The following CCDC93 variants were observed in gnomAD, a reference collection of about 807,000 sequenced individuals.
CCDC93 encodes coiled-coil domain-containing protein 93.
A neutral mutation model predicts 108.2 loss-of-function variants in CCDC93; 61 were observed. That is an observed-to-expected ratio of 0.56 (90% CI 0.46 to 0.70). The LOEUF is 0.70. Ranked by LOEUF, CCDC93 falls within the 30% of genes least tolerant of loss-of-function variation. The pLI is 0.00. For synonymous variants in CCDC93, 276 were observed against 260.4 expected, an observed-to-expected ratio of 1.06 and a Z score of -0.58; for missense variants, 685 against 764.2, an observed-to-expected ratio of 0.90 and a Z score of 1.22.
intron 22 of CCDC93, chr2:117,931,789 T>C (rs1678342831): frequency 6.6e-6 from 1 of 152,260 alleles, no homozygotes; most frequent in Non-Finnish European, 1.5e-5. Flanking sequence ...CAATTTAGGA[T>C]ATTTTCAGGA....
At chr2:117,978,808 G>A (rs1558792887) in intron 7 of CCDC93, among the ~76,000 whole-genome samples, 1 of 152,262 alleles carries the variant, frequency 6.6e-6, no homozygotes, top group South Asian at 2.1e-4. Context: ...AGGAATTTGA[G>A]ACTAGCCTGG....
At chr2:117,958,310 T>C (rs1679280904) in intron 12 of CCDC93, 55 bp downstream of exon 12, 1 of 1,186,468 alleles carries the variant, frequency 8.4e-7, no homozygotes, top group Non-Finnish European at 1.3e-6. Flanking sequence ...TGGAATCTCC[T>C]TTAACCAATC....
chr2:117,946,237 A>T (rs1251990488), intron 16 of CCDC93, among the ~76,000 whole-genome samples: 4 of 152,184 alleles, frequency 2.6e-5, no homozygotes, highest in Non-Finnish European at 5.9e-5. Flanking sequence ...GTCCTCCCTA[A>T]GCCTCAAGTT....
rs1245596635 is a variant in CCDC93, at chr2:117,986,012, C to T, written c.577G>A (p.Asp193Asn). Residue 193 changes from aspartate to asparagine, a missense_variant, in exon 7 of 24, where the codon GAT becomes AAT. Coordinates refer to ENST00000376300, the MANE Select transcript of CCDC93 (RefSeq NM_019044.5). ...KRHQGAEELL[D>N]EESRIHATLL... ...GTAGCATGGATTCGAGATTCTTCAT[C>T]AAGTAGCTCCTCTGCTCCCTGGTGG... is the stretch of plus-strand genomic sequence containing the variant. 1.2e-6 allele frequency: 2 copies of T among 1,613,676 alleles called. No homozygotes were observed. Among genetic ancestry groups the T allele is most frequent in the Non-Finnish European group, 1.7e-6 (2 of 1,179,746 alleles).
At chr2:118,010,095 C>A (rs1338006487) in intron 1 of CCDC93, among the ~76,000 whole-genome samples, 1 of 129,434 alleles carries the variant, frequency 7.7e-6, no homozygotes, top group East Asian at 2.8e-4. Context: ...GCACATGCCA[C>A]CACGCCCGTT....
Position 117,920,145 on chromosome 2 carries a change from C to T in CCDC93, c.*198G>A, listed in dbSNP as rs916160482. 2.4e-5 allele frequency: 12 copies of T among 495,402 alleles called. No individual in the cohort carries two copies. The highest frequency in any genetic ancestry group is 2.1e-4 in the East Asian group (7 of 32,900). The allele number at this position is 495,402 out of a possible 1,614,324, so 30.7% of individuals were successfully genotyped here. On this transcript the variant is annotated 3_prime_UTR_variant, in exon 24 of 24. Coordinates refer to ENST00000376300, the MANE Select transcript of CCDC93 (RefSeq NM_019044.5). ...AGGATGATGGGTGTTATCCAAGCCACGTGTTTACTGTCTGACTCCATCAAC... is the reference window on the plus strand; with the variant it reads ...AGGATGATGGGTGTTATCCAAGCCATGTGTTTACTGTCTGACTCCATCAAC...
At chr2:117,975,552 C>CTTTG (rs1679916843) in intron 8 of CCDC93, among the ~76,000 whole-genome samples, 1 of 152,204 alleles carries the variant, frequency 6.6e-6, no homozygotes, top group Non-Finnish European at 1.5e-5. Flanking sequence ...TACCCTTGCA[C>CTTTG]TTTGACTGGG....
At chr2:117,970,073 T>C (rs1211430475) in intron 11 of CCDC93, among the ~76,000 whole-genome samples, 1 of 152,198 alleles carries the variant, frequency 6.6e-6, no homozygotes, top group East Asian at 1.9e-4. Flanking sequence ...TTGAACAAAC[T>C]AGGTCTTTGA....
chr2:117,976,449 A>G (rs940541784), intron 8 of CCDC93, among the ~76,000 whole-genome samples: 16 of 152,150 alleles, frequency 1.1e-4, no homozygotes, highest in African/African-American at 3.9e-4. Context: ...TCAGTTGACT[A>G]AAAAAACACA....
At chr2:118,007,454 G>A (rs1287432698) in intron 2 of CCDC93, among the ~76,000 whole-genome samples, 3 of 152,176 alleles carry the variant, frequency 2.0e-5, no homozygotes, top group East Asian at 3.9e-4. Context: ...GGTGGATCAC[G>A]AGGTCAGGAG....
In CCDC93 at chr2:117,950,093, C is replaced by T. The variant is rs1679006043; in HGVS notation, c.1069-698G>A. The T allele has an allele frequency of 4.1e-6, 4 of 985,316 alleles. No homozygotes were observed. The African/African-American group carries it at 5.2e-5, about 13-fold the overall frequency. 61.0% of individuals were successfully genotyped at this position (985,316 alleles called of 1,614,324 possible). A position where few individuals can be genotyped will look rare whatever the true frequency, so the allele number is the denominator to read the frequency against. On this transcript the variant is annotated intron_variant, in intron 13 of 23. Transcript: ENST00000376300. Reference sequence around the variant, plus strand: ...GTTCCCCGACCCAGAACATCAGTTACTACCGGCTGATCTCAGCAAACAGTA... The same window carrying T: ...GTTCCCCGACCCAGAACATCAGTTATTACCGGCTGATCTCAGCAAACAGTA...
chr2:117,992,735 A>G (rs1428975872), intron 6 of CCDC93, among the ~76,000 whole-genome samples: 1 of 152,016 alleles, frequency 6.6e-6, no homozygotes, highest in Non-Finnish European at 1.5e-5. Context: ...AACAACAACA[A>G]ACTACTACTT....
chr2:118,001,117 GT>G, intron 3 of CCDC93, 185 bp from the exon 4 acceptor site: 1 of 507,552 alleles, frequency 2.0e-6, no homozygotes, highest in Non-Finnish European at 3.5e-6. Flanking sequence ...TGGTGTGTAG[GT>G]GTGTGGTCAC....
chr2:117,980,585 T>C (rs1320939804), intron 7 of CCDC93, among the ~76,000 whole-genome samples: 7 of 152,182 alleles, frequency 4.6e-5, no homozygotes, highest in Non-Finnish European at 7.3e-5. Context: ...AACGCACTCA[T>C]TGTATGGTGA....
chr2:117,974,087 T>C (rs1351549352), intron 10 of CCDC93, 93 bp from the exon 11 acceptor site: 5 of 823,694 alleles, frequency 6.1e-6, no homozygotes, highest in Non-Finnish European at 1.0e-5. Flanking sequence ...GAACACTCTA[T>C]TATGGTAAAA....
rs1398961821 is a variant in CCDC93 at position 117,936,505 on chromosome 2, A to G, written c.1643+197T>C. 5 of 568,180 alleles carry G rather than the reference A, an allele frequency of 8.8e-6. No individual in the cohort carries two copies. In the East Asian group the frequency reaches 1.1e-4, roughly 12 times the overall value. 35.2% of individuals were successfully genotyped at this position (568,180 alleles called of 1,614,324 possible). On this transcript the variant is annotated intron_variant, in intron 21 of 23. Coordinates refer to ENST00000376300, the MANE Select transcript of CCDC93 (RefSeq NM_019044.5). The stretch of plus-strand genomic sequence containing the variant: ...TCGTCAGCTCTTCCTTCACTCTACT[A>G]TCATTATAGTTTTGCAGGTACTCAA...
intron 3 of CCDC93, chr2:118,001,145 T>C (rs1680837932): frequency 6.8e-6 from 3 of 444,296 alleles, no homozygotes; most frequent in Non-Finnish European, 1.2e-5. Flanking sequence ...GCCTTCATCC[T>C]TTATTCTATA....
chr2:117,970,715 C>A (rs962092423), intron 11 of CCDC93, among the ~76,000 whole-genome samples: 1 of 152,168 alleles, frequency 6.6e-6, no homozygotes, highest in Non-Finnish European at 1.5e-5. Context: ...TGGATGAGTT[C>A]TCTGTAACCT....
chr2:117,950,687 A>G (rs1424498196), intron 13 of CCDC93: 1 of 985,336 alleles, frequency 1.0e-6, no homozygotes, highest in African/African-American at 1.7e-5. Flanking sequence ...AACCAGGCCC[A>G]GAGGTGAAAA....
Sources: gnomAD v4.1 joint callset for allele counts (sites outside exome capture counted in the v4.1 genomes callset) on GRCh38, gnomAD v4.1.1 for gene constraint, MANE v1.5 for transcripts, NCBI Gene and HGNC (gene_info 2026-07-23, HGNC 2026-07-21) for gene names.